The following MYH10 variants were observed in gnomAD, a reference collection of about 807,000 sequenced individuals.
MYH10 encodes myosin-10.
MYH10 carries 55 observed loss-of-function variants against 257.8 expected under a neutral mutation model. The ratio of observed to expected loss-of-function variants is 0.21; its 90% CI spans 0.17 to 0.27. The LOEUF is 0.27. Ranked by LOEUF, MYH10 falls within the 10% of genes least tolerant of loss-of-function variation. The pLI, the probability that MYH10 is intolerant of heterozygous loss-of-function variation, is 1.00. For synonymous variants in MYH10, 854 were observed against 921.7 expected, an observed-to-expected ratio of 0.93 and a Z score of 1.33; for missense variants, 1,631 against 2,500.6, an observed-to-expected ratio of 0.65 and a Z score of 7.42.
intron 9 of MYH10, among the ~76,000 whole-genome samples, chr17:8,550,568 C>T (rs1391384618): frequency 2.6e-5 from 4 of 151,782 alleles, no homozygotes; most frequent in African/African-American, 4.8e-5. Context: ...AGGTGAGGGG[C>T]GCCTCTGCCT....
At chr17:8,521,819 T>C (rs1408036598) in intron 17 of MYH10, among the ~76,000 whole-genome samples, 1 of 152,186 alleles carries the variant, frequency 6.6e-6, no homozygotes, top group African/African-American at 2.4e-5. Flanking sequence ...TGCAGGAAGA[T>C]TAGATTACAG....
chr17:8,587,124 A>G (rs1467589433), intron 4 of MYH10, among the ~76,000 whole-genome samples: 1 of 152,160 alleles, frequency 6.6e-6, no homozygotes, highest in African/African-American at 2.4e-5. Flanking sequence ...AGAGACACCA[A>G]GTGGAGAAGA....
chr17:8,550,754 AAAG>A (rs2082613950), intron 9 of MYH10, among the ~76,000 whole-genome samples: 1 of 151,970 alleles, frequency 6.6e-6, no homozygotes, highest in Non-Finnish European at 1.5e-5. Context: ...GTCTGTGTAG[AAAG>A]AAGTAGACAT....
intron 14 of MYH10, among the ~76,000 whole-genome samples, chr17:8,539,158 C>G (rs1460477186): frequency 6.6e-6 from 1 of 152,184 alleles, no homozygotes; most frequent in African/African-American, 2.4e-5. Context: ...CCTGGGACTT[C>G]CCAGCCTATA....
intron 17 of MYH10, among the ~76,000 whole-genome samples, chr17:8,529,071 G>C (rs573413262): frequency 1.3e-5 from 2 of 152,322 alleles, no homozygotes; most frequent in African/African-American, 4.8e-5. Context: ...TCTAAGAGAG[G>C]CTCTGGGCTG....
chr17:8,493,139 C>T lies in MYH10; in HGVS notation c.4210-115G>A, dbSNP rs373748779. 7 of 1,188,102 alleles carry T rather than the reference C, an allele frequency of 5.9e-6. No homozygotes were observed. In the East Asian group the frequency reaches 9.9e-5, roughly 17 times the overall value. 73.6% of individuals were successfully genotyped at this position (1,188,102 alleles called of 1,614,324 possible). On this transcript the variant is annotated intron_variant, in intron 32 of 42. Coordinates refer to ENST00000360416, the MANE Select transcript of MYH10 (RefSeq NM_001256012.3). ...CTTTGGGAGGCCGAGGCGGCAGGAT[C>T]ACTTGAGGTCAGGAGTTTGAGACCA...
At chr17:8,479,635 A>C (rs1913331799) in intron 40 of MYH10, among the ~76,000 whole-genome samples, 1 of 152,206 alleles carries the variant, frequency 6.6e-6, no homozygotes, top group African/African-American at 2.4e-5. Flanking sequence ...CTATGACCTA[A>C]TAGCTTTGTA....
chr17:8,538,512 GTT>G (rs979381102), intron 14 of MYH10, among the ~76,000 whole-genome samples: 31 of 152,182 alleles, frequency 2.0e-4, no homozygotes, highest in African/African-American at 7.2e-4. Context: ...GCCTGGCCAT[GTT>G]TTTATTTTTT....
chr17:8,501,373 G>A (rs1423627630), intron 28 of MYH10, among the ~76,000 whole-genome samples: 3 of 152,174 alleles, frequency 2.0e-5, no homozygotes, highest in Non-Finnish European at 4.4e-5. Flanking sequence ...ATCCCTAGGG[G>A]TCTTCAAATT....
intron 9 of MYH10, among the ~76,000 whole-genome samples, chr17:8,550,668 G>A (rs920248117): frequency 3.9e-5 from 6 of 152,184 alleles, no homozygotes; most frequent in Non-Finnish European, 7.4e-5. Context: ...GAGCGGGCCA[G>A]GATGACAGTG....
chr17:8,564,682 T>G (rs1690882067), intron 7 of MYH10, among the ~76,000 whole-genome samples: 1 of 152,184 alleles, frequency 6.6e-6, no homozygotes. Flanking sequence ...GTCTGCCACA[T>G]TTTCAGTAAA....
In MYH10 at chr17:8,506,430, C is replaced by T. The variant is rs1567814761; in HGVS notation, c.3274G>A (p.Asp1092Asn). 1 of 1,612,926 alleles carries T rather than the reference C, an allele frequency of 6.2e-7. No individual in the cohort carries two copies. The highest frequency in any genetic ancestry group is 8.5e-7 in the Non-Finnish European group (1 of 1,179,656). ...QELEKAKRKLDGETTDLQDQI... is the reference protein window; with the variant it reads ...QELEKAKRKLNGETTDLQDQI... ...TCCTGCAGGTCGGTCGTCTCCCCGT[C>T]GAGTTTTCTTTTGGCCTTTTCCAGT... The change falls in exon 27 of 43, where the codon GAC becomes AAC. Residue 1092 changes from aspartate (D) to asparagine (N), a missense_variant. Asp to Asn is a conservative substitution (Grantham distance 23). Transcript: ENST00000360416. This position sits in a 1 kb window ranked among gnomAD's most constrained non-coding sequence, Gnocchi z 5.0.
intron 2 of MYH10, among the ~76,000 whole-genome samples, chr17:8,612,956 T>C (rs2085102288): frequency 6.6e-6 from 1 of 152,300 alleles, no homozygotes; most frequent in East Asian, 1.9e-4. Context: ...CTGGGGATCT[T>C]AGAATGTATC....
intron 36 of MYH10, among the ~76,000 whole-genome samples, chr17:8,485,921 C>T (rs1914683201): frequency 6.6e-6 from 1 of 152,120 alleles, no homozygotes; most frequent in South Asian, 2.1e-4. Context: ...TGGAAGCAAC[C>T]CAAATGTCCA....
chr17:8,494,041 G>A (rs1174716417), intron 31 of MYH10, 156 bp from the exon 32 acceptor site: 2 of 848,958 alleles, frequency 2.4e-6, no homozygotes, highest in Non-Finnish European at 3.6e-6. Context: ...AAACACACAC[G>A]ATAACTTTGT....
At chr17:8,598,975 G>A (rs1028908116) in intron 3 of MYH10, among the ~76,000 whole-genome samples, 1 of 152,208 alleles carries the variant, frequency 6.6e-6, no homozygotes, top group Non-Finnish European at 1.5e-5. Context: ...CCAAAGTCCT[G>A]AGATTACAGG....
At chr17:8,605,011 A>C (rs2084745174) in intron 2 of MYH10, 29 bp from the exon 3 acceptor site, 4 of 1,245,374 alleles carry the variant, frequency 3.2e-6, no homozygotes, top group Non-Finnish European at 3.2e-6. Context: ...AGAGTATTAA[A>C]AAAAAAACCT....
chr17:8,577,222 G>A lies in MYH10; in HGVS notation c.633+14C>T, dbSNP rs372854740. 3 of 1,577,462 alleles carry A rather than the reference G, an allele frequency of 1.9e-6. No individual in the cohort carries two copies. Among genetic ancestry groups the A allele is most frequent in the African/African-American group, 1.4e-5 (1 of 73,856 alleles). ...GAAGAAGAAGATTTAAAAAACAACA[G>A]AGCAGAAACTTACAGGAATATTATG... On this transcript the variant is annotated intron_variant, in intron 5 of 42. Coordinates refer to ENST00000360416, the MANE Select transcript of MYH10 (RefSeq NM_001256012.3).
intron 3 of MYH10, among the ~76,000 whole-genome samples, chr17:8,597,543 T>G (rs925872806): frequency 1.2e-4 from 19 of 152,202 alleles, no homozygotes; most frequent in African/African-American, 4.3e-4. Flanking sequence ...TATGTTGCCT[T>G]AATTAAAAAG....
Sources: allele counts gnomAD v4.1 joint callset (sites outside exome capture counted in the v4.1 genomes callset), GRCh38; gene constraint gnomAD v4.1.1; non-coding constraint Gnocchi (gnomAD v3.1); transcripts MANE v1.5; gene names NCBI Gene and HGNC (gene_info 2026-07-23, HGNC 2026-07-21).